MED12L: variants seen among roughly 807,000 people sequenced by gnomAD.
The protein encoded by MED12L is mediator complex subunit 12L.
Under a neutral mutation model 281.3 loss-of-function variants are expected in MED12L, and 60 were observed. The ratio of observed to expected loss-of-function variants is 0.21; its 90% CI spans 0.17 to 0.26. The LOEUF (loss-of-function observed/expected upper bound fraction) is 0.26. Among genes scored for constraint, MED12L ranks in the 10% least tolerant of loss-of-function variants. The probability of loss-of-function intolerance (pLI) is 1.00; values close to 1 mark genes in which losing one functional copy is unlikely to be tolerated. For missense variants in MED12L, 2,146 were observed against 2,680.9 expected (o/e 0.80, Z 4.41); for synonymous variants, 974 against 987.2 (o/e 0.99, Z 0.25).
At chr3:151,163,720 T>C (rs1191880500) in intron 8 of MED12L, among the ~76,000 whole-genome samples, 173 bp from the exon 9 acceptor site, 1 of 152,244 alleles carries the variant, frequency 6.6e-6, no homozygotes, top group African/African-American at 2.4e-5. Context: ...TAATAATTTT[T>C]AGTTTTGTCT....
At chr3:151,092,059 C>T (rs1720121065) in intron 2 of MED12L, among the ~76,000 whole-genome samples, 1 of 152,226 alleles carries the variant, frequency 6.6e-6, no homozygotes, top group Non-Finnish European at 1.5e-5. Context: ...CAAGATCCTG[C>T]CTTTCAAGAT....
At chr3:151,392,255 G>A (rs976515123) in intron 38 of MED12L, among the ~76,000 whole-genome samples, 9 of 151,994 alleles carry the variant, frequency 5.9e-5, no homozygotes, top group Non-Finnish European at 1.2e-4. Flanking sequence ...CCTAAGGTCA[G>A]GAGTTAAAGA....
intron 2 of MED12L, among the ~76,000 whole-genome samples, chr3:151,091,922 A>C (rs1720099833): frequency 6.6e-6 from 1 of 152,168 alleles, no homozygotes; most frequent in Non-Finnish European, 1.5e-5. Flanking sequence ...AAAATGAGCT[A>C]ATGTATGCAA....
In MED12L at chr3:151,160,014, C is replaced by T. The variant is rs763639145; in HGVS notation, c.1020C>T (p.Gly340=). 5.0e-6 allele frequency: 8 copies of T among 1,614,152 alleles called. No individual in the cohort carries two copies. The highest frequency in any genetic ancestry group is 6.8e-6 in the Non-Finnish European group (8 of 1,179,966). The part of the protein sequence containing the change: ...GAPSPGPPGP[G]MSPVQLAFSD... ...CCAGCCCTGGCCCCCCCGGCCCTGGCATGAGCCCCGTGCAGCTGGCCTTCT... is the reference window on the plus strand; with the variant it reads ...CCAGCCCTGGCCCCCCCGGCCCTGGTATGAGCCCCGTGCAGCTGGCCTTCT... Residue 340 remains glycine (G), a synonymous_variant, in exon 8 of 45, where the codon GGC becomes GGT. Coordinates refer to ENST00000687756, the MANE Select transcript of MED12L (RefSeq NM_001393769.1).
chr3:151,164,066 T>G, intron 9 of MED12L, 24 bp downstream of exon 9: 1 of 1,608,098 alleles, frequency 6.2e-7, no homozygotes, highest in Non-Finnish European at 8.5e-7. Context: ...TTCAGTGATT[T>G]GATGGCTGTT....
chr3:151,209,470 C>T (rs17304142), intron 16 of MED12L, among the ~76,000 whole-genome samples: 26,886 of 152,028 alleles, frequency 0.18, 2,912 homozygotes, highest in South Asian at 0.26. Context: ...ACGGGCATGT[C>T]TTGTCTTGAA....
chr3:151,190,983 G>A (rs1168722964), intron 14 of MED12L, 52 bp downstream of exon 14: 1 of 1,528,286 alleles, frequency 6.5e-7, no homozygotes, highest in East Asian at 2.3e-5. Context: ...ACTCTACTGG[G>A]AACCATGTTC....
At chr3:151,391,216 A>G (rs777266049) in intron 38 of MED12L, among the ~76,000 whole-genome samples, 1 of 152,214 alleles carries the variant, frequency 6.6e-6, no homozygotes, top group Non-Finnish European at 1.5e-5. Context: ...TTAAAAGTAA[A>G]TTGTAATAGT....
intron 8 of MED12L, 40 bp from the exon 9 acceptor site, chr3:151,163,853 C>A: frequency 1.3e-6 from 2 of 1,588,246 alleles, no homozygotes; most frequent in Non-Finnish European, 1.7e-6. Context: ...ATGCTTTTCT[C>A]CTTCCTCTGA....
At chr3:151,407,719 A>T (rs1447306018) in intron 39 of MED12L, among the ~76,000 whole-genome samples, 1 of 152,222 alleles carries the variant, frequency 6.6e-6, no homozygotes, top group East Asian at 1.9e-4. Context: ...TTAGAGACTA[A>T]GAGTATCTTC....
At chr3:151,330,167 A>T (rs961969813) in intron 16 of MED12L, among the ~76,000 whole-genome samples, 4 of 152,186 alleles carry the variant, frequency 2.6e-5, no homozygotes, top group East Asian at 3.8e-4. Context: ...ATAGTATCTA[A>T]CACACTGTGT....
chr3:151,236,660 A>G (rs1732883232), intron 16 of MED12L, among the ~76,000 whole-genome samples: 1 of 152,142 alleles, frequency 6.6e-6, no homozygotes. Context: ...TGTAACATCT[A>G]TATGTATTCC....
At chr3:151,197,996 T>TA (rs1169260975) in intron 16 of MED12L, 1 of 153,176 alleles carries the variant, frequency 6.5e-6, no homozygotes, top group African/African-American at 2.4e-5. Context: ...CTGCATTTTT[T>TA]AAAAGTAATC....
At chr3:151,144,432 G>C (rs143418971) in intron 5 of MED12L, among the ~76,000 whole-genome samples, 2 of 152,142 alleles carry the variant, frequency 1.3e-5, no homozygotes, top group African/African-American at 4.8e-5. Flanking sequence ...GATGCAGTCG[G>C]GAGTTTCCAT....
At chr3:151,085,967 A>T (rs975096366) in intron 1 of MED12L, 31 bp downstream of exon 1, 1 of 151,930 alleles carries the variant, frequency 6.6e-6, no homozygotes, top group African/African-American at 2.4e-5. Context: ...GGCGGAAGGG[A>T]AGAGGAGCTG....
In MED12L at chr3:151,369,446, C is replaced by A; in HGVS notation, c.3561C>A (p.Phe1187Leu). The A allele has an allele frequency of 6.2e-7, 1 of 1,601,410 alleles. No homozygotes were observed. Among genetic ancestry groups the A allele is most frequent in the South Asian group, 1.1e-5 (1 of 88,912 alleles). ...TTGTTGTTTTTGTAGGCAAACCTTT[C>A]CCTGGAATAAGATCATCTTGTGATA... ...CFLPQATGKP[F>L]PGIRSSCDRH... Residue 1187 changes from phenylalanine to leucine, a missense_variant, in exon 26 of 45, where the codon TTC becomes TTA. By Grantham distance (22) the Phe-to-Leu change is conservative. Around this residue, in one of 9 missense-constraint regions of MED12L, gnomAD observed 404 missense variants for 603.5 expected, o/e 0.67. Coordinates refer to ENST00000687756, the MANE Select transcript of MED12L (RefSeq NM_001393769.1).
intron 16 of MED12L, chr3:151,214,223 C>T (rs1364324069): frequency 2.5e-6 from 4 of 1,613,736 alleles, no homozygotes; most frequent in Non-Finnish European, 3.4e-6. Context: ...GCAATGAAGA[C>T]CATACAGTAC....
At chr3:151,369,383 A>G in intron 25 of MED12L, 53 bp from the exon 26 acceptor site, 1 of 1,260,896 alleles carries the variant, frequency 7.9e-7, no homozygotes, top group Non-Finnish European at 1.1e-6. Context: ...AAATAATTAC[A>G]AAACATTACT....
intron 11 of MED12L, among the ~76,000 whole-genome samples, chr3:151,172,744 G>A (rs1417390758): frequency 1.3e-5 from 2 of 152,238 alleles, no homozygotes; most frequent in Non-Finnish European, 2.9e-5. Context: ...AAGCAAGCAA[G>A]GAAAATGTGC....
Sources: allele counts gnomAD v4.1 joint callset (sites outside exome capture counted in the v4.1 genomes callset), GRCh38; gene constraint gnomAD v4.1.1; regional missense constraint gnomAD v4.1.1; transcripts MANE v1.5; gene names NCBI Gene and HGNC (gene_info 2026-07-23, HGNC 2026-07-21).